Variants in CHRNA5 observed in about 807,000 individuals in gnomAD.
The protein encoded by CHRNA5 is cholinergic receptor nicotinic alpha 5 subunit, also known as neuronal acetylcholine receptor subunit alpha-5.
In CHRNA5, 28 loss-of-function variants were observed where a neutral mutation model predicts 41.2. That is an observed-to-expected ratio of 0.68 (90% CI 0.50 to 0.93). CHRNA5 has a LOEUF of 0.93. Among genes scored for constraint, CHRNA5 ranks in the 40% least tolerant of loss-of-function variants. CHRNA5 has a pLI of 0.00. For synonymous variants in CHRNA5, 188 were observed against 205.8 expected (o/e 0.91, Z 0.74); for missense variants, 481 against 581.9 (o/e 0.83, Z 1.78).
At chr15:78,566,911 T>C (rs1159897573) in intron 1 of CHRNA5, among the ~76,000 whole-genome samples, 2 of 152,150 alleles carry the variant, frequency 1.3e-5, no homozygotes, top group Admixed American at 6.5e-5. Flanking sequence ...AAATTATGGC[T>C]CTGGTGCATC....
chr15:78,577,421 T>C (rs1260481941), intron 1 of CHRNA5, among the ~76,000 whole-genome samples: 2 of 152,226 alleles, frequency 1.3e-5, no homozygotes, highest in African/African-American at 4.8e-5. Context: ...ACATTTGCAC[T>C]GGACACTGCT....
chr15:78,572,773 C>T (rs139022237), intron 1 of CHRNA5, among the ~76,000 whole-genome samples: 72 of 152,254 alleles, frequency 4.7e-4, no homozygotes, highest in African/African-American at 1.6e-3. Flanking sequence ...TGAACCACCA[C>T]ACCTGGCTGG....
Position 78,590,394 on chromosome 15 carries a change from A to G in CHRNA5, c.1003A>G (p.Ile335Val), listed in dbSNP as rs139612394. ...GTCAATTATGGTAACCGTCTTCGCT[A>G]TCAACATTCATCATCGTTCTTCCTC... The change falls in exon 5 of 6, where the codon ATC (isoleucine) becomes GTC (valine). Residue 335 changes from isoleucine (I) to valine (V), a missense_variant. Transcript: ENST00000299565. 8.7e-6 allele frequency: 14 copies of G among 1,614,078 alleles called. No homozygotes were observed. The African/African-American group carries it at 1.7e-4, about 20-fold the overall frequency.
rs374607838 is a variant in CHRNA5, at chr15:78,570,847, G to C, written c.106+5022G>C. Among the ~76,000 whole-genome samples the C allele has an allele frequency of 3.6e-4, 55 of 152,182 alleles. 1 individual carries two copies. The South Asian group carries it at 7.9e-3, about 22-fold the overall frequency. ...ACTGGGTTATTCTTTGTTGTCAGAGGGGGGCGTCCTGTGCCTTGTAGGATG... is the reference window on the plus strand; with the variant it reads ...ACTGGGTTATTCTTTGTTGTCAGAGCGGGGCGTCCTGTGCCTTGTAGGATG... On this transcript the variant is annotated intron_variant, in intron 1 of 5. Coordinates refer to ENST00000299565, the Ensembl canonical transcript of CHRNA5.
intron 2 of CHRNA5, 105 bp from the exon 3 acceptor site, chr15:78,586,540 A>G (rs1462167390): frequency 1.5e-6 from 1 of 659,992 alleles, no homozygotes; most frequent in East Asian, 2.9e-5. Context: ...AAATGTGGGT[A>G]CTATGTGAAG....
chr15:78,577,206 G>C (rs1470277303), intron 1 of CHRNA5, among the ~76,000 whole-genome samples: 1 of 152,150 alleles, frequency 6.6e-6, no homozygotes, highest in African/African-American at 2.4e-5. Context: ...AGAGCCCTGC[G>C]GTTTATGAAC....
chr15:78,570,906 C>A (rs2052798815), intron 1 of CHRNA5, among the ~76,000 whole-genome samples: 1 of 152,142 alleles, frequency 6.6e-6, no homozygotes, highest in African/African-American at 2.4e-5. Flanking sequence ...CCATGAGATG[C>A]CAGTAGCACC....
chr15:78,595,150 C>T (rs1277476648), exon 6 of CHRNA5: 1 of 272,318 alleles, frequency 3.7e-6, no homozygotes, highest in Non-Finnish European at 5.6e-6. Flanking sequence ...TGAGTGAAAG[C>T]CTGGTGTGAT....
At chr15:78,570,023 T>C (rs1253791919) in intron 1 of CHRNA5, among the ~76,000 whole-genome samples, 3 of 151,306 alleles carry the variant, frequency 2.0e-5, no homozygotes, top group Non-Finnish European at 4.4e-5. Flanking sequence ...TTTCTCCATT[T>C]TGGCCAGGCT....
At position 78,589,835 on chromosome 15, in the gene CHRNA5, G is replaced by A. The variant is rs574463276; in HGVS notation, c.444G>A (p.Thr148=). The A allele has an allele frequency of 2.7e-5, 43 of 1,606,472 alleles. 1 individual carries two copies. The Admixed American group carries it at 6.2e-4, about 23-fold the overall frequency. Residue 148 remains threonine (T), a synonymous_variant, in exon 5 of 6, where the codon ACG becomes ACA. Transcript: ENST00000299565. ...ATGGACGTTTTGAAGGGACCAGTAC[G>A]AAAACAGTCATCAGGTACAATGGCA...
exon 6 of CHRNA5, chr15:78,593,359 T>A: frequency 8.7e-7 from 1 of 1,155,338 alleles, no homozygotes; most frequent in Non-Finnish European, 1.2e-6. Context: ...GTGCAAGCTT[T>A]AACAGACTAA....
chr15:78,585,772 TTTTTC>T (rs762922205), intron 2 of CHRNA5, among the ~76,000 whole-genome samples: 63 of 127,330 alleles, frequency 4.9e-4, no homozygotes, highest in Non-Finnish European at 6.5e-4. Context: ...TTTCTTTTTC[TTTTTC>T]TTTTCTTTTC....
chr15:78,589,721 C>A, intron 4 of CHRNA5, 84 bp from the exon 5 acceptor site: 2 of 1,090,884 alleles, frequency 1.8e-6, no homozygotes. Flanking sequence ...AATGATAGGC[C>A]TGCTTTTATA....
At chr15:78,566,015 G>A (rs1312218989) in intron 1 of CHRNA5, among the ~76,000 whole-genome samples, 190 bp downstream of exon 1, 2 of 152,166 alleles carry the variant, frequency 1.3e-5, no homozygotes, top group African/African-American at 2.4e-5. Flanking sequence ...CAGAGAAAGG[G>A]CTACTTGGGT....
intron 2 of CHRNA5, among the ~76,000 whole-genome samples, chr15:78,584,870 G>A (rs528489654): frequency 6.6e-6 from 1 of 152,298 alleles, no homozygotes; most frequent in East Asian, 1.9e-4. Flanking sequence ...GGTGGCTTTA[G>A]ATTTAGGAAA....
intron 1 of CHRNA5, among the ~76,000 whole-genome samples, chr15:78,571,834 C>T (rs573406259): frequency 3.3e-4 from 50 of 152,190 alleles, no homozygotes; most frequent in African/African-American, 1.2e-3. Flanking sequence ...ATCTGTAATA[C>T]TTAAAATAAT....
rs72648879 is a variant in CHRNA5 at position 78,590,744 on chromosome 15, C to T, written c.1245+108C>T. ...AGCATGACCCTTAAGTAAGACTAAGCATAGATTGAGGGCCAGAATTGTTGA... is the reference window on the plus strand; with the variant it reads ...AGCATGACCCTTAAGTAAGACTAAGTATAGATTGAGGGCCAGAATTGTTGA... On this transcript the variant is annotated intron_variant, in intron 5 of 5. Coordinates refer to ENST00000299565, the Ensembl canonical transcript of CHRNA5. The T allele has an allele frequency of 5.2e-4, 461 of 883,386 alleles. 1 individual carries two copies. The highest frequency in any genetic ancestry group is 7.2e-4 in the Non-Finnish European group (426 of 587,880). 54.7% of individuals were successfully genotyped at this position (883,386 alleles called of 1,614,324 possible).
At chr15:78,573,544 A>G (rs1020165780) in intron 1 of CHRNA5, among the ~76,000 whole-genome samples, 8 of 152,232 alleles carry the variant, frequency 5.3e-5, no homozygotes, top group East Asian at 1.9e-4. Flanking sequence ...ATTGAACAAG[A>G]TATCACGTTA....
chr15:78,576,980 G>A (rs949249527), intron 1 of CHRNA5, among the ~76,000 whole-genome samples: 4 of 152,158 alleles, frequency 2.6e-5, no homozygotes, highest in African/African-American at 9.7e-5. Flanking sequence ...TATAGTGTCA[G>A]TCTTTCCTAC....
Sources: gnomAD v4.1 joint callset for allele counts (sites outside exome capture counted in the v4.1 genomes callset) on GRCh38, gnomAD v4.1.1 for gene constraint, MANE v1.5 for transcripts, NCBI Gene and HGNC (gene_info 2026-07-23, HGNC 2026-07-21) for gene names.